Variants in IQCJ observed in about 807,000 individuals in gnomAD.
IQCJ encodes the protein IQ domain-containing protein J.
A neutral mutation model predicts 11.0 loss-of-function variants in IQCJ; 9 were observed. That is an observed-to-expected ratio of 0.82 (90% CI 0.49 to 1.43). The LOEUF (loss-of-function observed/expected upper bound fraction) is 1.43. Among genes scored for constraint, IQCJ ranks in the 40% most tolerant of loss-of-function variants. IQCJ has a pLI of 0.00. For missense variants in IQCJ, 146 were observed against 133.2 expected (o/e 1.10, Z -0.47); for synonymous variants, 55 against 51.3 (o/e 1.07, Z -0.31).
intron 1 of IQCJ, among the ~76,000 whole-genome samples, chr3:159,232,451 CTTTTTTTT>C (rs35423818): frequency 3.6e-5 from 3 of 83,762 alleles, no homozygotes; most frequent in African/African-American, 4.8e-5. Context: ...GAGAGACTTT[CTTTTTTTT>C]TTTTTTTTTT....
At chr3:159,244,476 T>A (rs1409910962) in intron 1 of IQCJ, among the ~76,000 whole-genome samples, 2 of 152,130 alleles carry the variant, frequency 1.3e-5, no homozygotes, top group East Asian at 1.9e-4. Flanking sequence ...CTCAGCCAAC[T>A]TTTTCATCTG....
At chr3:159,161,568 C>T (rs576351920) in intron 1 of IQCJ, among the ~76,000 whole-genome samples, 5 of 152,258 alleles carry the variant, frequency 3.3e-5, no homozygotes, top group Non-Finnish European at 5.9e-5. Flanking sequence ...GCTTTTGTTG[C>T]CATTGCTTTT....
At chr3:159,209,363 C>T (rs1266153361) in intron 1 of IQCJ, among the ~76,000 whole-genome samples, 2 of 152,138 alleles carry the variant, frequency 1.3e-5, no homozygotes, top group African/African-American at 2.4e-5. Context: ...CTTCCGGCTC[C>T]CCTTCTGCTG....
At chr3:159,200,160 A>C (rs1025628608) in intron 1 of IQCJ, among the ~76,000 whole-genome samples, 5 of 142,404 alleles carry the variant, frequency 3.5e-5, no homozygotes, top group African/African-American at 1.4e-4. Flanking sequence ...GTCCTTAATA[A>C]GTATAAGCTG....
chr3:159,161,381 G>GT (rs1223067510), intron 1 of IQCJ, among the ~76,000 whole-genome samples: 12 of 152,066 alleles, frequency 7.9e-5, no homozygotes, highest in Non-Finnish European at 4.4e-5. Context: ...GTGGTTGTTT[G>GT]TTTTTTTCTT....
chr3:159,074,894 T>G (rs1338213397), intron 1 of IQCJ, among the ~76,000 whole-genome samples: 2 of 152,122 alleles, frequency 1.3e-5, no homozygotes, highest in Non-Finnish European at 2.9e-5. Flanking sequence ...TAATTAAAGT[T>G]CTTTGTTCCT....
intron 1 of IQCJ, among the ~76,000 whole-genome samples, chr3:159,176,409 C>T (rs575185113): frequency 2.2e-4 from 34 of 151,978 alleles, no homozygotes; most frequent in Admixed American, 2.0e-3. Context: ...GTTTTTAAAA[C>T]CCAATATTTA....
intron 1 of IQCJ, among the ~76,000 whole-genome samples, chr3:159,238,603 A>G (rs1218067954): frequency 2.0e-5 from 3 of 152,182 alleles, no homozygotes; most frequent in Non-Finnish European, 4.4e-5. Context: ...GAGGCAGGTA[A>G]AGAGTAAATA....
chr3:159,140,772 A>G (rs1720556810), intron 1 of IQCJ, among the ~76,000 whole-genome samples: 1 of 152,156 alleles, frequency 6.6e-6, no homozygotes, highest in South Asian at 2.1e-4. Flanking sequence ...GTACCTACCT[A>G]TATCAGTTTG....
chr3:159,088,887 T>C (rs1021214376), intron 1 of IQCJ, among the ~76,000 whole-genome samples: 1 of 152,198 alleles, frequency 6.6e-6, no homozygotes, highest in African/African-American at 2.4e-5. Flanking sequence ...TGCCAGTCTG[T>C]GTCTTTTAAT....
rs571261147 is a variant in IQCJ at position 159,252,883 on chromosome 3, G to A, written c.155+76G>A. Reference sequence around the variant, plus strand: ...TCCTGAATAAATCTGGAATTTTCGGGCACAACAGTTATGCATCTTTATTTT... The same window carrying A: ...TCCTGAATAAATCTGGAATTTTCGGACACAACAGTTATGCATCTTTATTTT... On this transcript the variant is annotated intron_variant, in intron 3 of 3. Coordinates refer to ENST00000397832, the MANE Select transcript of IQCJ (RefSeq NM_001042706.3). 12 of 1,423,136 alleles carry A rather than the reference G, an allele frequency of 8.4e-6. 1 individual carries two copies. The highest frequency in any genetic ancestry group is 1.8e-4 in the Middle Eastern group (1 of 5,414). 88.2% of individuals were successfully genotyped at this position (1,423,136 alleles called of 1,614,324 possible). A position where few individuals can be genotyped will look rare whatever the true frequency, so the allele number is the denominator to read the frequency against.
chr3:159,144,862 T>C (rs1028110589), intron 1 of IQCJ, among the ~76,000 whole-genome samples: 4 of 152,348 alleles, frequency 2.6e-5, no homozygotes, highest in Admixed American at 1.3e-4. Flanking sequence ...AATGGCCTCA[T>C]TTCTAATAAA....
At chr3:159,201,138 G>A (rs1484190108) in intron 1 of IQCJ, among the ~76,000 whole-genome samples, 1 of 152,208 alleles carries the variant, frequency 6.6e-6, no homozygotes, top group African/African-American at 2.4e-5. Flanking sequence ...GAGTTAGGGA[G>A]TGTGCTTTTT....
chr3:159,185,368 G>A (rs10470473), intron 1 of IQCJ, among the ~76,000 whole-genome samples: 24,390 of 152,034 alleles, frequency 0.16, 2,141 homozygotes, highest in Admixed American at 0.21. Context: ...GTAATAGTGT[G>A]TTTTTCAGCA....
chr3:159,224,123 A>T (rs1164014428), intron 1 of IQCJ, among the ~76,000 whole-genome samples: 1 of 151,896 alleles, frequency 6.6e-6, no homozygotes, highest in Non-Finnish European at 1.5e-5. Flanking sequence ...GTGTGACACG[A>T]AGTATATAAG....
intron 1 of IQCJ, among the ~76,000 whole-genome samples, chr3:159,096,360 T>C (rs1393064096): frequency 6.7e-6 from 1 of 149,556 alleles, no homozygotes; most frequent in East Asian, 2.0e-4. Context: ...GCAGAAGCTC[T>C]TTAGTTTAAT....
At chr3:159,095,169 T>A (rs1717641681) in intron 1 of IQCJ, among the ~76,000 whole-genome samples, 1 of 151,872 alleles carries the variant, frequency 6.6e-6, no homozygotes, top group Admixed American at 6.5e-5. Flanking sequence ...CCCTTATACC[T>A]TAGAAGTTGG....
At chr3:159,179,322 T>C (rs186365019) in intron 1 of IQCJ, among the ~76,000 whole-genome samples, 1 of 152,286 alleles carries the variant, frequency 6.6e-6, no homozygotes, top group East Asian at 1.9e-4. Context: ...TGAACTGTTT[T>C]TCATGGTCAG....
At chr3:159,109,029 T>A (rs1236991756) in intron 1 of IQCJ, among the ~76,000 whole-genome samples, 1 of 152,088 alleles carries the variant, frequency 6.6e-6, no homozygotes, top group African/African-American at 2.4e-5. Context: ...TCTAACAACA[T>A]ATAGAGGTAG....
Sources: gnomAD v4.1 joint callset for allele counts (sites outside exome capture counted in the v4.1 genomes callset) on GRCh38, gnomAD v4.1.1 for gene constraint, MANE v1.5 for transcripts, NCBI Gene and HGNC (gene_info 2026-07-23, HGNC 2026-07-21) for gene names.